MGAM: variants seen among roughly 807,000 people sequenced by gnomAD.
MGAM encodes the protein alpha-1,4-glucosidase.
A neutral mutation model predicts 358.8 loss-of-function variants in MGAM; 253 were observed. That is an observed-to-expected ratio of 0.71 (90% CI 0.64 to 0.78). The LOEUF (loss-of-function observed/expected upper bound fraction) is 0.78. Ranked by LOEUF, MGAM falls within the 30% of genes least tolerant of loss-of-function variation. The probability of loss-of-function intolerance (pLI) is 0.00; values close to 1 mark genes in which losing one functional copy is unlikely to be tolerated. For synonymous variants in MGAM, 1,105 were observed against 1,227.1 expected, an observed-to-expected ratio of 0.90 and a Z score of 2.08; for missense variants, 3,080 against 3,432.6, an observed-to-expected ratio of 0.90 and a Z score of 2.57.
chr7:142,064,283 A>G lies in MGAM; in HGVS notation c.4346-101A>G, dbSNP rs1812509381. 7.3e-6 allele frequency: 11 copies of G among 1,504,576 alleles called. No homozygotes were observed. The South Asian group carries it at 1.2e-4, about 17-fold the overall frequency. 93.2% of individuals were successfully genotyped at this position (1,504,576 alleles called of 1,614,324 possible). A position where few individuals can be genotyped will look rare whatever the true frequency, so the allele number is the denominator to read the frequency against. On this transcript the variant is annotated intron_variant, in intron 36 of 70. Coordinates refer to ENST00000475668, the MANE Select transcript of MGAM (RefSeq NM_001365693.1). ...GGAGATGGAGAGCGACACAGGCAGGACTGAAGTTAGTCTTAAGATCCAGGG... is the reference window on the plus strand; with the variant it reads ...GGAGATGGAGAGCGACACAGGCAGGGCTGAAGTTAGTCTTAAGATCCAGGG...
At chr7:142,075,830 G>A (rs1813688480) in intron 45 of MGAM, among the ~76,000 whole-genome samples, 1 of 145,820 alleles carries the variant, frequency 6.9e-6, no homozygotes, top group Non-Finnish European at 1.6e-5. Flanking sequence ...TTAGACTGTT[G>A]GTGGGACTGT....
intron 20 of MGAM, 198 bp from the exon 21 acceptor site, chr7:142,040,523 TA>T: frequency 1.5e-6 from 1 of 664,636 alleles, no homozygotes; most frequent in Non-Finnish European, 2.5e-6. Context: ...CAGCATGGCA[TA>T]AATTTTTTCA....
At chr7:142,100,941 G>T in intron 68 of MGAM, 51 bp downstream of exon 68, 1 of 1,517,864 alleles carries the variant, frequency 6.6e-7, no homozygotes, top group Non-Finnish European at 9.0e-7. Context: ...CTACATTCCT[G>T]GATTATCTTA....
chr7:142,042,047 TATA>T lies in MGAM; in HGVS notation c.2498+1205_2498+1207del, dbSNP rs1418426787. Among the ~76,000 whole-genome samples, 47 of 48,502 alleles carry T rather than the reference TATA, an allele frequency of 9.7e-4. 5 individuals carry two copies. The highest frequency in any genetic ancestry group is 4.1e-3 in the African/African-American group (47 of 11,548). The allele number at this position is 48,502 out of a possible 152,430, so 31.8% of individuals were successfully genotyped here. On this transcript the variant is annotated intron_variant, in intron 21 of 70. Coordinates refer to ENST00000475668, the MANE Select transcript of MGAM (RefSeq NM_001365693.1). ...TATATTATATTATATACATATAATA[TATA>T]ATATATATACATATAATATATAACA...
intron 57 of MGAM, among the ~76,000 whole-genome samples, chr7:142,089,699 A>C (rs577127185): frequency 2.5e-4 from 37 of 145,552 alleles, no homozygotes; most frequent in African/African-American, 7.8e-4. Context: ...AGGTAGGAGA[A>C]TCGCTTGAAC....
At position 142,030,455 on chromosome 7, in the gene MGAM, G is replaced by C. The variant is rs782491222; in HGVS notation, c.1315G>C (p.Glu439Gln). 2 of 1,613,482 alleles carry C rather than the reference G, an allele frequency of 1.2e-6. No homozygotes were observed. The highest frequency in any genetic ancestry group is 1.7e-6 in the Non-Finnish European group (2 of 1,179,720). ...DFKGFPEFVN[E>Q]LHNNGQKLVI... ...TAAAGGCTTCCCTGAATTTGTCAAC[G>C]AGTTACACAATAATGGACAGAAGCT... The change falls in exon 11 of 71, where the codon GAG becomes CAG. Residue 439 changes from glutamate to glutamine, a missense_variant. By Grantham distance (29) the Glu-to-Gln change is conservative. Transcript: ENST00000475668.
At chr7:142,011,110 A>G (rs1584912696) in intron 3 of MGAM, among the ~76,000 whole-genome samples, 1 of 152,332 alleles carries the variant, frequency 6.6e-6, no homozygotes, top group East Asian at 1.9e-4. Context: ...GTTGCAGAGT[A>G]ATTAAGCTGA....
At chr7:142,034,177 G>C in intron 14 of MGAM, 85 bp from the exon 15 acceptor site, 1 of 917,114 alleles carries the variant, frequency 1.1e-6, no homozygotes, top group Non-Finnish European at 1.6e-6. Flanking sequence ...GCCTGCCCAG[G>C]GGGCTGTCAT....
At position 142,071,418 on chromosome 7, in the gene MGAM, A is replaced by G. The variant is rs1813339236; in HGVS notation, c.5186+300A>G. ...CAACCACAATTCACAAGAGCTTTTC[A>G]GAAGCTGTTGTTTTAGAACTGTATC... On this transcript the variant is annotated intron_variant, in intron 44 of 70. Coordinates refer to ENST00000475668, the MANE Select transcript of MGAM (RefSeq NM_001365693.1). 2.0e-5 allele frequency among the ~76,000 whole-genome samples: 3 copies of G among 146,708 alleles called. 1 individual carries two copies.
upstream of MGAM, chr7:141,995,825 GTAAA>G (rs1554448519): frequency 6.6e-6 from 1 of 152,188 alleles, no homozygotes; most frequent in African/African-American, 2.4e-5. Context: ...TGATAGGTCG[GTAAA>G]TAGTTACCAG....
intron 22 of MGAM, among the ~76,000 whole-genome samples, chr7:142,048,520 T>TTTTTTTTTTTTTTTTTTTTTTTTTTTTGC (rs1563163870): frequency 6.6e-6 from 1 of 151,386 alleles, no homozygotes; most frequent in Admixed American, 6.6e-5. Context: ...AACCCAATGT[T>TTTTTTTTTTTTTTTTTTTTTTTTTTTTGC]AATGTCTTCC....
rs368790422 is a variant in MGAM, at chr7:142,020,331, C to T, written c.449-643C>T. On this transcript the variant is annotated intron_variant, in intron 4 of 70. Transcript: ENST00000475668. ...GAGAAGGAATTATGTATATGTATGT[C>T]AGGTCTGAGAATGTAAAGGGTATCT... Among the ~76,000 whole-genome samples, 50 of 152,104 alleles carry T rather than the reference C, an allele frequency of 3.3e-4. No homozygotes were observed. The East Asian group carries it at 3.3e-3, about 10-fold the overall frequency.
rs1427610672 is a variant in MGAM at position 142,038,538 on chromosome 7, G to A, written c.2239G>A (p.Glu747Lys). 14 of 1,608,668 alleles carry A rather than the reference G, an allele frequency of 8.7e-6. No homozygotes were observed. Among genetic ancestry groups the A allele is most frequent in the Non-Finnish European group, 1.2e-5 (14 of 1,177,518 alleles). The change falls in exon 19 of 71, where the codon GAG becomes AAG. Residue 747 changes from glutamate (E) to lysine (K), a missense_variant. Coordinates refer to ENST00000475668, the MANE Select transcript of MGAM (RefSeq NM_001365693.1). ...TGTCTCTCTGGTTTTCAGGTTCTAC[G>A]AGGACAACAGCACTTGGGATGTGCA... The part of the protein sequence containing the change: ...VARPLLHEFY[E>K]DNSTWDVHQQ...
intron 1 of MGAM, among the ~76,000 whole-genome samples, chr7:142,004,808 A>G (rs1486020716): frequency 6.6e-6 from 1 of 152,008 alleles, no homozygotes; most frequent in Non-Finnish European, 1.5e-5. Context: ...GCTTAAGTAA[A>G]TTTTCCAAGG....
intron 22 of MGAM, among the ~76,000 whole-genome samples, chr7:142,048,624 C>A (rs1810647065): frequency 6.7e-6 from 1 of 148,706 alleles, no homozygotes; most frequent in Non-Finnish European, 1.5e-5. Flanking sequence ...ATTTGTGGAT[C>A]CAGTATACTA....
chr7:142,033,260 A>C (rs541476966), intron 14 of MGAM, among the ~76,000 whole-genome samples: 81 of 152,252 alleles, frequency 5.3e-4, no homozygotes, highest in African/African-American at 1.9e-3. Flanking sequence ...ACACCAGGTA[A>C]CCAGCCTTGG....
At chr7:142,040,643 G>T (rs1563141930) in intron 20 of MGAM, 79 bp from the exon 21 acceptor site, 1 of 1,524,712 alleles carries the variant, frequency 6.6e-7, no homozygotes, top group African/African-American at 1.4e-5. Flanking sequence ...AGAGAGCTGT[G>T]TATCACCAGG....
chr7:142,102,373 C>CT (rs1356539737), intron 68 of MGAM, among the ~76,000 whole-genome samples: 1 of 152,200 alleles, frequency 6.6e-6, no homozygotes, highest in Non-Finnish European at 1.5e-5. Flanking sequence ...TGAAGTGACT[C>CT]TGTCAGACAG....
upstream of MGAM, among the ~76,000 whole-genome samples, chr7:141,992,722 C>T (rs1803999102): frequency 1.3e-5 from 2 of 152,136 alleles, no homozygotes; most frequent in South Asian, 4.2e-4. Context: ...GCTGGGACTA[C>T]AGGTGTGGAC....
Sources: allele counts gnomAD v4.1 joint callset (sites outside exome capture counted in the v4.1 genomes callset), GRCh38; gene constraint gnomAD v4.1.1; transcripts MANE v1.5; gene names NCBI Gene and HGNC (gene_info 2026-07-23, HGNC 2026-07-21).